Variants in PTPRD observed in about 807,000 individuals in gnomAD.
PTPRD encodes the protein protein tyrosine phosphatase receptor type D.
In PTPRD, 34 loss-of-function variants were observed where a neutral mutation model predicts 214.5. That is an observed-to-expected ratio of 0.16 (90% CI 0.12 to 0.21). PTPRD has a LOEUF of 0.21. Among genes scored for constraint, PTPRD ranks in the 10% least tolerant of loss-of-function variants. PTPRD has a pLI of 1.00. For synonymous variants in PTPRD, 1,128 were observed against 845.7 expected (o/e 1.33, Z -5.79); for missense variants, 2,545 against 2,398.7 (o/e 1.06, Z -1.27).
chr9:9,707,998 C>T (rs554037659), intron 7 of PTPRD, among the ~76,000 whole-genome samples: 4 of 151,730 alleles, frequency 2.6e-5, no homozygotes, highest in East Asian at 1.9e-4. Flanking sequence ...TTTAGAAATA[C>T]GAGATAAAAA....
chr9:9,731,265 C>T (rs1025545069), intron 7 of PTPRD, among the ~76,000 whole-genome samples: 13 of 151,890 alleles, frequency 8.6e-5, no homozygotes, highest in African/African-American at 3.1e-4. Flanking sequence ...TGCATATTAT[C>T]ATTTGTATTT....
At chr9:9,095,083 G>A (rs905199945) in intron 10 of PTPRD, among the ~76,000 whole-genome samples, 2 of 151,942 alleles carry the variant, frequency 1.3e-5, no homozygotes, top group Admixed American at 6.6e-5. Flanking sequence ...AGCAAGATAG[G>A]CATTAAAAAA....
intron 35 of PTPRD, among the ~76,000 whole-genome samples, chr9:8,430,280 C>CT (rs1207404309): frequency 1.3e-5 from 2 of 149,736 alleles, no homozygotes; most frequent in East Asian, 2.0e-4. Flanking sequence ...TTTTTTTTTA[C>CT]TTTTTTTCAG....
intron 44 of PTPRD, among the ~76,000 whole-genome samples, chr9:8,330,320 C>T (rs1359495212): frequency 1.3e-5 from 2 of 152,034 alleles, no homozygotes; most frequent in Non-Finnish European, 2.9e-5. Flanking sequence ...GCCATCTTTC[C>T]AGCTCTTGTA....
At chr9:9,582,354 A>G (rs2091014908) in intron 7 of PTPRD, among the ~76,000 whole-genome samples, 1 of 134,114 alleles carries the variant, frequency 7.5e-6, no homozygotes, top group African/African-American at 2.9e-5. Context: ...AGAATGCAGA[A>G]TTAATGCCTG....
At chr9:9,254,197 G>A (rs1363377277) in intron 9 of PTPRD, among the ~76,000 whole-genome samples, 1 of 152,014 alleles carries the variant, frequency 6.6e-6, no homozygotes, top group Non-Finnish European at 1.5e-5. Flanking sequence ...ACATCTTATG[G>A]GGGCGGGGCG....
intron 21 of PTPRD, among the ~76,000 whole-genome samples, chr9:8,513,708 C>T (rs1468663601): frequency 6.6e-6 from 1 of 151,984 alleles, no homozygotes; most frequent in African/African-American, 2.4e-5. Flanking sequence ...CAGTAACTTT[C>T]TTGTTACTCC....
At chr9:10,604,909 T>C (rs1485183167) in intron 2 of PTPRD, among the ~76,000 whole-genome samples, 1 of 151,916 alleles carries the variant, frequency 6.6e-6, no homozygotes, top group Non-Finnish European at 1.5e-5. Flanking sequence ...CAATATATCA[T>C]CTTGGCACTG....
At chr9:8,822,506 G>A (rs74794257) in intron 11 of PTPRD, among the ~76,000 whole-genome samples, 6,771 of 152,186 alleles carry the variant, frequency 0.044, 281 homozygotes, top group African/African-American at 0.096. Context: ...TACCTTGGTT[G>A]GAAAGTTAAG....
intron 3 of PTPRD, among the ~76,000 whole-genome samples, chr9:10,268,725 T>G (rs1373060387): frequency 6.6e-6 from 1 of 152,200 alleles, no homozygotes. Flanking sequence ...CATCCCAGAA[T>G]CCCTATTTAA....
intron 2 of PTPRD, among the ~76,000 whole-genome samples, chr9:10,347,888 T>A (rs1265091897): frequency 6.6e-6 from 1 of 151,906 alleles, no homozygotes; most frequent in Non-Finnish European, 1.5e-5. Context: ...GGAAAACCTA[T>A]CTCTACTAAA....
chr9:9,362,569 A>T (rs771587674), intron 9 of PTPRD, among the ~76,000 whole-genome samples: 6 of 151,082 alleles, frequency 4.0e-5, no homozygotes, highest in Non-Finnish European at 8.9e-5. Context: ...TTCATTTCTA[A>T]AAGATATATC....
At chr9:8,583,046 C>T (rs565800242) in intron 14 of PTPRD, among the ~76,000 whole-genome samples, 1 of 152,294 alleles carries the variant, frequency 6.6e-6, no homozygotes, top group East Asian at 1.9e-4. Context: ...ATATTTAAGA[C>T]AGTGGTCCCC....
chr9:9,059,243 G>C lies in PTPRD; in HGVS notation c.-142-40508C>G, dbSNP rs565601389. Among the ~76,000 whole-genome samples, 24 of 152,294 alleles carry C rather than the reference G, an allele frequency of 1.6e-4. No homozygotes were observed. The South Asian group carries it at 2.9e-3, about 18-fold the overall frequency. ...AGAGGAAAAACATGTGGTACAGGTA[G>C]CACAGGGCTGGCAGACAGCCAACTA... is the stretch of plus-strand genomic sequence containing the variant. On this transcript the variant is annotated intron_variant, in intron 10 of 45. Transcript: ENST00000381196.
Position 9,123,597 on chromosome 9 carries a change from A to G in PTPRD, c.-143+59707T>C, listed in dbSNP as rs182298813. Among the ~76,000 whole-genome samples, 4 of 152,302 alleles carry G rather than the reference A, an allele frequency of 2.6e-5. No individual in the cohort carries two copies. In the East Asian group the frequency reaches 7.7e-4, roughly 29 times the overall value. On this transcript the variant is annotated intron_variant, in intron 10 of 45. Coordinates refer to ENST00000381196, the MANE Select transcript of PTPRD (RefSeq NM_002839.4). ...GCCACATGTTGTTAGCAAAGTAACC[A>G]GCCCATAGACTGATAAAAACTGAAC...
At chr9:9,099,665 T>C (rs2099788581) in intron 10 of PTPRD, among the ~76,000 whole-genome samples, 1 of 152,212 alleles carries the variant, frequency 6.6e-6, no homozygotes, top group Non-Finnish European at 1.5e-5. Context: ...AGAATAAAAA[T>C]ATTCCATACT....
At chr9:8,541,335 T>C (rs2078354501) in intron 14 of PTPRD, among the ~76,000 whole-genome samples, 1 of 152,124 alleles carries the variant, frequency 6.6e-6, no homozygotes, top group Non-Finnish European at 1.5e-5. Flanking sequence ...GCTGAAGGGA[T>C]CCTTCCACCT....
At chr9:10,016,263 T>C (rs903141360) in intron 4 of PTPRD, among the ~76,000 whole-genome samples, 5 of 152,168 alleles carry the variant, frequency 3.3e-5, no homozygotes, top group African/African-American at 1.2e-4. Flanking sequence ...AAAATACACT[T>C]GTTTATAGTA....
At chr9:10,206,926 A>C (rs1253332211) in intron 3 of PTPRD, among the ~76,000 whole-genome samples, 1 of 152,202 alleles carries the variant, frequency 6.6e-6, no homozygotes, top group African/African-American at 2.4e-5. Context: ...CAATGTAAAA[A>C]TTATCAGATT....
Sources: gnomAD v4.1 joint callset for allele counts (sites outside exome capture counted in the v4.1 genomes callset) on GRCh38, gnomAD v4.1.1 for gene constraint, MANE v1.5 for transcripts, NCBI Gene and HGNC (gene_info 2026-07-23, HGNC 2026-07-21) for gene names.